Variants in GCFC2 observed in about 807,000 individuals in gnomAD.
The protein encoded by GCFC2 is GC-rich sequence DNA-binding factor 2, also known as intron Large complex component GCFC2.
Under a neutral mutation model 99.4 loss-of-function variants are expected in GCFC2, and 102 were observed. The ratio of observed to expected loss-of-function variants is 1.03; its 90% CI spans 0.87 to 1.21. The LOEUF is 1.21. GCFC2 is among the 50% of genes most tolerant of loss of function. GCFC2 has a pLI of 0.00. For synonymous variants in GCFC2, 338 were observed against 316.8 expected (o/e 1.07, Z -0.71); for missense variants, 973 against 920.9 (o/e 1.06, Z -0.73).
At chr2:75,693,937 G>A (rs940379103) in intron 6 of GCFC2, among the ~76,000 whole-genome samples, 1 of 151,910 alleles carries the variant, frequency 6.6e-6, no homozygotes, top group African/African-American at 2.4e-5. Context: ...TGTTTCATAA[G>A]CCTTAAAAAT....
In GCFC2 at chr2:75,679,985, A is replaced by G. The variant is rs574209799; in HGVS notation, c.1812+208T>C. 101 of 473,480 alleles carry G rather than the reference A, an allele frequency of 2.1e-4. 1 individual carries two copies. The highest frequency in any genetic ancestry group is 1.6e-3 in the African/African-American group (83 of 50,446). 29.3% of individuals were successfully genotyped at this position (473,480 alleles called of 1,614,324 possible). A position where few individuals can be genotyped will look rare whatever the true frequency, so the allele number is the denominator to read the frequency against. On this transcript the variant is annotated intron_variant, in intron 12 of 16. Coordinates refer to ENST00000321027, the MANE Select transcript of GCFC2 (RefSeq NM_003203.5). ...TTTCATCTTATTATTATAAAGATAA[A>G]AAATAGCCAAGTCCAGTTTAAAAAA... is the stretch of plus-strand genomic sequence containing the variant.
chr2:75,665,150 G>A (rs899186376), intron 16 of GCFC2, among the ~76,000 whole-genome samples: 23 of 151,418 alleles, frequency 1.5e-4, no homozygotes, highest in African/African-American at 4.4e-4. Context: ...ATACAAATCT[G>A]ATTTTTTTTT....
At chr2:75,671,476 G>A (rs530799357) in intron 14 of GCFC2, among the ~76,000 whole-genome samples, 38 of 152,060 alleles carry the variant, frequency 2.5e-4, no homozygotes, top group African/African-American at 8.7e-4. Flanking sequence ...ATCAGTTATC[G>A]ACTCCTTTCA....
intron 13 of GCFC2, among the ~76,000 whole-genome samples, chr2:75,672,792 G>A (rs952012836): frequency 2.6e-5 from 4 of 152,032 alleles, no homozygotes; most frequent in African/African-American, 9.7e-5. Flanking sequence ...TTTTATAGAT[G>A]AGAAAACAAG....
chr2:75,678,461 C>G (rs1460281088), intron 12 of GCFC2, among the ~76,000 whole-genome samples: 3 of 152,148 alleles, frequency 2.0e-5, no homozygotes, highest in Non-Finnish European at 2.9e-5. Context: ...AAATGCCTCT[C>G]TCTCTGTTGC....
Position 75,688,968 on chromosome 2 carries a change from A to C in GCFC2, c.1539+58T>G, listed in dbSNP as rs10164966. 2,061 of 932,498 alleles carry C rather than the reference A, an allele frequency of 2.2e-3. 33 individuals carry two copies. In the African/African-American group the frequency reaches 0.031, roughly 14 times the overall value. The allele number at this position is 932,498 out of a possible 1,614,324, so 57.8% of individuals were successfully genotyped here. A position where few individuals can be genotyped will look rare whatever the true frequency, so the allele number is the denominator to read the frequency against. On this transcript the variant is annotated intron_variant, in intron 10 of 16. Transcript: ENST00000321027. ...GTATTTAATGCCTAACACAATAGTA[A>C]GGGAATTTAAGCAACTAATATAATC... is the stretch of plus-strand genomic sequence containing the variant.
chr2:75,703,030 C>T (rs76395834), intron 2 of GCFC2, among the ~76,000 whole-genome samples: 8 of 152,260 alleles, frequency 5.3e-5, no homozygotes, highest in African/African-American at 1.7e-4. Context: ...AGAAAATAAT[C>T]AGGCTCATTT....
rs1558759077 is a variant in GCFC2, at chr2:75,710,629, C to A, written c.227G>T (p.Arg76Leu). Residue 76 changes from arginine (R) to leucine (L), a missense_variant, in exon 1 of 17, where the codon CGT becomes CTT. Arg to Leu is a moderately radical substitution (Grantham distance 102). Coordinates refer to ENST00000321027, the MANE Select transcript of GCFC2 (RefSeq NM_003203.5). ...GRGRVWASSR[R>L]ATKAAPRADE... ...CGCGCGGGGAGCCGCTTTGGTGGCA[C>A]GCCGGGAGCTCGCCCAGACCCGGCC... 2.6e-6 allele frequency: 4 copies of A among 1,516,010 alleles called. No individual in the cohort carries two copies. The highest frequency in any genetic ancestry group is 1.2e-5 in the South Asian group (1 of 82,332). 93.9% of individuals were successfully genotyped at this position (1,516,010 alleles called of 1,614,324 possible).
intron 4 of GCFC2, among the ~76,000 whole-genome samples, chr2:75,696,809 G>T (rs1680346624): frequency 6.6e-6 from 1 of 151,084 alleles, no homozygotes. Flanking sequence ...TTTTTGAGAT[G>T]GAGTCTCGTT....
chr2:75,687,155 T>G (rs1573065032), intron 11 of GCFC2, among the ~76,000 whole-genome samples: 1 of 152,112 alleles, frequency 6.6e-6, no homozygotes, highest in Non-Finnish European at 1.5e-5. Flanking sequence ...AGGCTGGTCT[T>G]GAACTCCTGA....
At chr2:75,683,771 CAAAAAAAAAA>C (rs749580096) in intron 11 of GCFC2, among the ~76,000 whole-genome samples, 5 of 60,424 alleles carry the variant, frequency 8.3e-5, no homozygotes, top group African/African-American at 1.9e-4. Context: ...AAATGGAAAG[CAAAAAAAAAA>C]AAAAAAAAAA....
intron 6 of GCFC2, among the ~76,000 whole-genome samples, chr2:75,692,520 G>A (rs1228223350): frequency 6.6e-6 from 1 of 151,964 alleles, no homozygotes; most frequent in Non-Finnish European, 1.5e-5. Context: ...AGTGGCACCT[G>A]CCTTCAATCC....
chr2:75,678,975 C>T (rs750792264), intron 12 of GCFC2, among the ~76,000 whole-genome samples: 4 of 152,290 alleles, frequency 2.6e-5, no homozygotes, highest in African/African-American at 4.8e-5. Flanking sequence ...GATATACAGG[C>T]GTGATCTGCC....
chr2:75,694,465 CTCTTT>C, intron 5 of GCFC2, 38 bp from the exon 6 acceptor site: 1 of 828,536 alleles, frequency 1.2e-6, no homozygotes, highest in Non-Finnish European at 1.8e-6. Context: ...ATTTTTCATA[CTCTTT>C]TAAAAGTAGC....
intron 1 of GCFC2, 97 bp from the exon 2 acceptor site, chr2:75,706,748 GT>G: frequency 2.8e-6 from 2 of 708,554 alleles, no homozygotes; most frequent in East Asian, 5.3e-5. Flanking sequence ...ATAATACGGT[GT>G]TTTAATCCTA....
chr2:75,697,146 TATAAC>T (rs1332707456), intron 4 of GCFC2, among the ~76,000 whole-genome samples: 4 of 152,208 alleles, frequency 2.6e-5, no homozygotes, highest in Admixed American at 6.5e-5. Context: ...ACATATATCT[TATAAC>T]ATGGTATGTT....
At position 75,706,570 on chromosome 2, in the gene GCFC2, G is replaced by C; in HGVS notation, c.347C>G (p.Ser116Cys). Reference protein sequence around the residue: ...SSESKDDQGLSSDSSSSLGEK... With the variant: ...SSESKDDQGLCSDSSSSLGEK... ...TCCAAGAGAGCTAGAACTGTCAGAA[G>C]ACAAACCCTGATCATCCTTACTTTC... Residue 116 changes from serine to cysteine, a missense_variant, in exon 2 of 17, where the codon TCT (serine) becomes TGT (cysteine). Ser to Cys is a moderately radical substitution (Grantham distance 112). Transcript: ENST00000321027. The C allele has an allele frequency of 6.2e-7, 1 of 1,602,300 alleles. No individual in the cohort carries two copies. Among genetic ancestry groups the C allele is most frequent in the Non-Finnish European group, 8.6e-7 (1 of 1,169,554 alleles).
chr2:75,699,260 T>C (rs1680467806), intron 4 of GCFC2, among the ~76,000 whole-genome samples: 1 of 152,216 alleles, frequency 6.6e-6, no homozygotes, highest in African/African-American at 2.4e-5. Context: ...TCAATTTATC[T>C]GTATTATTTT....
intron 4 of GCFC2, among the ~76,000 whole-genome samples, chr2:75,700,022 C>T (rs1238040258): frequency 1.3e-5 from 2 of 151,948 alleles, no homozygotes; most frequent in South Asian, 2.1e-4. Context: ...CACTTCAGCC[C>T]CCCAAGCAGC....
Sources: allele counts gnomAD v4.1 joint callset (sites outside exome capture counted in the v4.1 genomes callset), GRCh38; gene constraint gnomAD v4.1.1; transcripts MANE v1.5; gene names NCBI Gene and HGNC (gene_info 2026-07-23, HGNC 2026-07-21).